The following FHOD3 variants were observed in gnomAD, a reference collection of about 807,000 sequenced individuals.
FHOD3 encodes the protein FH1/FH2 domain-containing protein 3.
FHOD3 carries 90 observed loss-of-function variants against 173.0 expected under a neutral mutation model. That is an observed-to-expected ratio of 0.52 (90% CI 0.44 to 0.62). FHOD3 has a LOEUF of 0.62. Ranked by LOEUF, FHOD3 falls within the 20% of genes least tolerant of loss-of-function variation. The pLI is 0.00. For synonymous variants in FHOD3, 828 were observed against 823.0 expected, an observed-to-expected ratio of 1.01 and a Z score of -0.10; for missense variants, 1,945 against 2,034.7, an observed-to-expected ratio of 0.96 and a Z score of 0.85.
chr18:36,384,781 T>C (rs926239424), intron 3 of FHOD3, among the ~76,000 whole-genome samples: 2 of 152,124 alleles, frequency 1.3e-5, no homozygotes, highest in African/African-American at 2.4e-5. Context: ...GACCTGTTTG[T>C]TATTTATAAC....
In FHOD3 at chr18:36,697,563, G is replaced by A. The variant is rs527708878; in HGVS notation, c.2236+4140G>A. Reference sequence around the variant, plus strand: ...TTTTATTTATGTCAAGGAAAAATACGTTTGACAGTGATTTTTTTCTCTACC... The same window carrying A: ...TTTTATTTATGTCAAGGAAAAATACATTTGACAGTGATTTTTTTCTCTACC... On this transcript the variant is annotated intron_variant, in intron 17 of 28. Coordinates refer to ENST00000590592, the MANE Select transcript of FHOD3 (RefSeq NM_001281740.3). 3.3e-5 allele frequency among the ~76,000 whole-genome samples: 5 copies of A among 152,280 alleles called. No individual in the cohort carries two copies. The Middle Eastern group carries it at 0.01, about 311-fold the overall frequency.
At chr18:36,337,143 G>T (rs1016096065) in intron 1 of FHOD3, among the ~76,000 whole-genome samples, 3 of 148,754 alleles carry the variant, frequency 2.0e-5, no homozygotes, top group Non-Finnish European at 4.4e-5. Context: ...CTGCACTCCA[G>T]CCTGGGTGAA....
chr18:36,613,713 G>A (rs763621471), intron 9 of FHOD3, among the ~76,000 whole-genome samples: 5 of 152,122 alleles, frequency 3.3e-5, no homozygotes, highest in Non-Finnish European at 7.4e-5. Context: ...TCTCTCTGTT[G>A]CCCAGGCTAG....
At chr18:36,401,311 A>G (rs2048801564) in intron 3 of FHOD3, among the ~76,000 whole-genome samples, 1 of 152,194 alleles carries the variant, frequency 6.6e-6, no homozygotes. Context: ...AGTGCTACCT[A>G]TAAGGAACAA....
chr18:36,465,069 T>C (rs1599239589), intron 3 of FHOD3, among the ~76,000 whole-genome samples: 1 of 152,240 alleles, frequency 6.6e-6, no homozygotes, highest in Non-Finnish European at 1.5e-5. Context: ...GGCTCACGCC[T>C]GTAATCCCAG....
At chr18:36,360,774 A>G (rs1197938094) in intron 2 of FHOD3, among the ~76,000 whole-genome samples, 1 of 152,150 alleles carries the variant, frequency 6.6e-6, no homozygotes, top group Non-Finnish European at 1.5e-5. Flanking sequence ...CCTTCATTGG[A>G]TTCTCAAAGA....
At chr18:36,766,856 G>A (rs1424514798) in intron 27 of FHOD3, among the ~76,000 whole-genome samples, 1 of 152,174 alleles carries the variant, frequency 6.6e-6, no homozygotes, top group East Asian at 1.9e-4. Context: ...AATGTATTAT[G>A]AGCAAAGACA....
chr18:36,768,152 G>A (rs1262224368), intron 27 of FHOD3, among the ~76,000 whole-genome samples: 1 of 152,212 alleles, frequency 6.6e-6, no homozygotes, highest in Admixed American at 6.5e-5. Flanking sequence ...ATAAAATGAA[G>A]TGTAGATGGT....
chr18:36,456,326 A>G (rs1462698036), intron 3 of FHOD3, among the ~76,000 whole-genome samples: 3 of 152,126 alleles, frequency 2.0e-5, no homozygotes, highest in South Asian at 2.1e-4. Context: ...AAGATTGCCT[A>G]GAGAGCTGGG....
chr18:36,311,586 T>C (rs1199149732), intron 1 of FHOD3, among the ~76,000 whole-genome samples: 1 of 152,178 alleles, frequency 6.6e-6, no homozygotes, highest in Non-Finnish European at 1.5e-5. Context: ...CCAGGTGCCA[T>C]GTGCAATGGT....
At chr18:36,322,512 T>C (rs1214200534) in intron 1 of FHOD3, among the ~76,000 whole-genome samples, 3 of 152,074 alleles carry the variant, frequency 2.0e-5, no homozygotes, top group Non-Finnish European at 4.4e-5. Flanking sequence ...CTGGAGCCTG[T>C]GGACCCAAAA....
intron 3 of FHOD3, among the ~76,000 whole-genome samples, chr18:36,462,974 T>C (rs1291924948): frequency 6.6e-6 from 1 of 152,188 alleles, no homozygotes; most frequent in Non-Finnish European, 1.5e-5. Flanking sequence ...AAATAATTTA[T>C]ATGAAATTAC....
At chr18:36,307,636 A>T (rs2092138028) in intron 1 of FHOD3, among the ~76,000 whole-genome samples, 1 of 152,216 alleles carries the variant, frequency 6.6e-6, no homozygotes, top group Non-Finnish European at 1.5e-5. Context: ...GTATCTTCAC[A>T]CTGTAGTTCC....
intron 5 of FHOD3, among the ~76,000 whole-genome samples, chr18:36,516,616 A>G (rs1035815867): frequency 6.6e-6 from 1 of 152,192 alleles, no homozygotes; most frequent in Non-Finnish European, 1.5e-5. Context: ...ACAGTGGCAC[A>G]TGCCTGTCAT....
intron 6 of FHOD3, among the ~76,000 whole-genome samples, chr18:36,583,003 G>C (rs1377345992): frequency 1.3e-5 from 2 of 152,252 alleles, no homozygotes; most frequent in East Asian, 3.9e-4. Flanking sequence ...TAAGAATTCT[G>C]TTCTGCTTCT....
intron 4 of FHOD3, 138 bp from the exon 5 acceptor site, chr18:36,512,300 T>C (rs896400864): frequency 1.5e-6 from 1 of 666,058 alleles, no homozygotes; most frequent in Admixed American, 2.2e-5. Flanking sequence ...ACAGTTGATA[T>C]GCTTCATTTG....
At chr18:36,731,597 C>T (rs1279311420) in intron 20 of FHOD3, among the ~76,000 whole-genome samples, 1 of 152,194 alleles carries the variant, frequency 6.6e-6, no homozygotes, top group East Asian at 1.9e-4. Flanking sequence ...CTCCTATTGG[C>T]AGGGGGCCCC....
intron 3 of FHOD3, among the ~76,000 whole-genome samples, chr18:36,456,054 G>C (rs1473277599): frequency 6.6e-6 from 1 of 152,076 alleles, no homozygotes; most frequent in Non-Finnish European, 1.5e-5. Flanking sequence ...CCATCCCCTA[G>C]GGCTTGTACT....
chr18:36,379,376 A>G (rs1458875579), intron 3 of FHOD3, among the ~76,000 whole-genome samples: 2 of 152,162 alleles, frequency 1.3e-5, no homozygotes, highest in East Asian at 3.9e-4. Flanking sequence ...CCTTTTCCCC[A>G]TTTTACTTTA....
Sources: allele counts gnomAD v4.1 joint callset (sites outside exome capture counted in the v4.1 genomes callset), GRCh38; gene constraint gnomAD v4.1.1; transcripts MANE v1.5; gene names NCBI Gene and HGNC (gene_info 2026-07-23, HGNC 2026-07-21).